The following GRM5 variants were observed in gnomAD, a reference collection of about 807,000 sequenced individuals.
GRM5 encodes the protein glutamate metabotropic receptor 5.
A neutral mutation model predicts 83.1 loss-of-function variants in GRM5; 19 were observed. The ratio of observed to expected loss-of-function variants is 0.23; its 90% CI spans 0.16 to 0.34. GRM5 has a LOEUF of 0.34. GRM5 is among the 10% of genes least tolerant of loss of function. The pLI is 1.00. For synonymous variants in GRM5, 675 were observed against 633.6 expected (o/e 1.07, Z -0.98); for missense variants, 1,160 against 1,588.3 (o/e 0.73, Z 4.58).
At chr11:88,998,824 T>A (rs1940277021) in intron 2 of GRM5, among the ~76,000 whole-genome samples, 1 of 152,236 alleles carries the variant, frequency 6.6e-6, no homozygotes, top group South Asian at 2.1e-4. Context: ...AATTACCATT[T>A]ACAATCACTA....
chr11:88,879,000 G>A (rs1252989652), intron 2 of GRM5, among the ~76,000 whole-genome samples: 2 of 152,032 alleles, frequency 1.3e-5, no homozygotes, highest in Non-Finnish European at 2.9e-5. Context: ...CCTAGTTCTG[G>A]TGATAAAAAT....
intron 4 of GRM5, among the ~76,000 whole-genome samples, chr11:88,624,721 C>A (rs888954319): frequency 6.6e-6 from 1 of 152,074 alleles, no homozygotes; most frequent in Non-Finnish European, 1.5e-5. Flanking sequence ...TCAAGGGAAC[C>A]CTTATTGCAG....
chr11:88,752,630 G>A (rs543490736), intron 3 of GRM5, among the ~76,000 whole-genome samples: 1 of 152,298 alleles, frequency 6.6e-6, no homozygotes, highest in East Asian at 1.9e-4. Context: ...CCAAAAAAGA[G>A]CCCAAATGGG....
At chr11:88,565,994 T>A (rs1290247452) in intron 8 of GRM5, among the ~76,000 whole-genome samples, 2 of 152,218 alleles carry the variant, frequency 1.3e-5, no homozygotes, top group African/African-American at 4.8e-5. Flanking sequence ...AGGACTTTCC[T>A]GCAGGCTAAG....
At chr11:89,055,198 G>A (rs1178844061) in intron 1 of GRM5, among the ~76,000 whole-genome samples, 1 of 152,180 alleles carries the variant, frequency 6.6e-6, no homozygotes, top group Non-Finnish European at 1.5e-5. Context: ...TGGGCTTGGA[G>A]TCCAATGACC....
At chr11:89,012,060 T>C (rs1420035788) in intron 2 of GRM5, among the ~76,000 whole-genome samples, 2 of 150,478 alleles carry the variant, frequency 1.3e-5, no homozygotes, top group African/African-American at 4.9e-5. Context: ...TTTATAATGA[T>C]CAAAAAATTA....
At chr11:88,757,467 A>G (rs1213086085) in intron 3 of GRM5, among the ~76,000 whole-genome samples, 1 of 152,136 alleles carries the variant, frequency 6.6e-6, no homozygotes, top group Non-Finnish European at 1.5e-5. Context: ...TGCTCCTGCA[A>G]CAACACTGCC....
At chr11:88,658,228 G>C (rs1175214435) in intron 3 of GRM5, among the ~76,000 whole-genome samples, 1 of 152,154 alleles carries the variant, frequency 6.6e-6, no homozygotes, top group African/African-American at 2.4e-5. Flanking sequence ...CATGAAACCA[G>C]TCCCTGGTGC....
chr11:88,539,909 A>C (rs1942225595), intron 8 of GRM5, among the ~76,000 whole-genome samples: 1 of 152,210 alleles, frequency 6.6e-6, no homozygotes, highest in East Asian at 1.9e-4. Context: ...TTATTAACAA[A>C]TTATAATTAA....
At chr11:88,697,663 A>G (rs1940934044) in intron 3 of GRM5, among the ~76,000 whole-genome samples, 1 of 152,200 alleles carries the variant, frequency 6.6e-6, no homozygotes, top group African/African-American at 2.4e-5. Context: ...TACATGCACA[A>G]TTGTGACTAG....
chr11:88,617,326 C>G (rs1938510748), intron 4 of GRM5, among the ~76,000 whole-genome samples: 1 of 152,114 alleles, frequency 6.6e-6, no homozygotes, highest in Non-Finnish European at 1.5e-5. Flanking sequence ...TAGTTGAGAA[C>G]TCTGAAAAAT....
rs750227304 is a variant in GRM5, at chr11:88,509,325, C to A, written c.2906G>T (p.Gly969Val). The change falls in exon 10 of 10, where the codon GGG (glycine) becomes GTG (valine). Residue 969 changes from glycine (G) to valine (V), a missense_variant. By Grantham distance (109) the Gly-to-Val change is moderately radical. Coordinates refer to ENST00000305447, the MANE Select transcript of GRM5 (RefSeq NM_001143831.3). The part of the protein sequence containing the change: ...RGLGAGAGAG[G>V]SAGGVGATGG... Reference sequence around the variant, plus strand: ...CGTGGCCCCCACGCCCCCAGCGCTCCCGCCTGCGCCAGCGCCAGCGCCCAG... The same window carrying A: ...CGTGGCCCCCACGCCCCCAGCGCTCACGCCTGCGCCAGCGCCAGCGCCCAG... The A allele has an allele frequency of 3.8e-6, 6 of 1,595,956 alleles. No individual in the cohort carries two copies. Among genetic ancestry groups the A allele is most frequent in the Non-Finnish European group, 4.3e-6 (5 of 1,173,040 alleles).
intron 7 of GRM5, among the ~76,000 whole-genome samples, chr11:88,568,828 T>C (rs563327394): frequency 6.6e-6 from 1 of 152,122 alleles, no homozygotes; most frequent in Admixed American, 6.6e-5. Flanking sequence ...TTTTAGAAGA[T>C]TCTGTTAAAA....
intron 3 of GRM5, among the ~76,000 whole-genome samples, chr11:88,772,652 A>G (rs1447113736): frequency 6.6e-6 from 1 of 151,780 alleles, no homozygotes. Context: ...CGCTGTGTCC[A>G]AGTGATCTCA....
chr11:88,909,806 G>A (rs536736097), intron 2 of GRM5, among the ~76,000 whole-genome samples: 151 of 152,012 alleles, frequency 9.9e-4, no homozygotes, highest in Non-Finnish European at 1.7e-3. Flanking sequence ...CAAAGCTCTG[G>A]AACATGAAGC....
chr11:88,733,920 G>A (rs1273022308), intron 3 of GRM5, among the ~76,000 whole-genome samples: 1 of 151,826 alleles, frequency 6.6e-6, no homozygotes, highest in Non-Finnish European at 1.5e-5. Flanking sequence ...TACCTTAGAG[G>A]TTTCTTGCTG....
intron 2 of GRM5, among the ~76,000 whole-genome samples, chr11:89,019,096 C>G (rs185907778): frequency 2.0e-5 from 3 of 152,060 alleles, no homozygotes; most frequent in Non-Finnish European, 4.4e-5. Context: ...GACTGATTGT[C>G]ATGTTTTTAT....
chr11:89,030,728 A>G (rs1941241847), intron 2 of GRM5, among the ~76,000 whole-genome samples: 1 of 152,090 alleles, frequency 6.6e-6, no homozygotes. Context: ...TAAAATTGAG[A>G]ATCTTAGGAA....
At chr11:89,003,289 G>A (rs1234015296) in intron 2 of GRM5, among the ~76,000 whole-genome samples, 2 of 152,050 alleles carry the variant, frequency 1.3e-5, no homozygotes, top group African/African-American at 4.8e-5. Context: ...GTACAATATG[G>A]GATATAGTGC....
Sources: allele counts gnomAD v4.1 joint callset (sites outside exome capture counted in the v4.1 genomes callset), GRCh38; gene constraint gnomAD v4.1.1; transcripts MANE v1.5; gene names NCBI Gene and HGNC (gene_info 2026-07-23, HGNC 2026-07-21).